IL1RAPL2: variants seen among roughly 807,000 people sequenced by gnomAD.
IL1RAPL2 encodes the protein X-linked interleukin-1 receptor accessory protein-like 2.
Under a neutral mutation model 44.1 loss-of-function variants are expected in IL1RAPL2, and 3 were observed. The observed-to-expected ratio is 0.07, with a 90% CI of 0.03 to 0.18. The LOEUF is 0.18. IL1RAPL2 is among the 10% of genes least tolerant of loss of function. The pLI is 1.00. For missense variants in IL1RAPL2, 391 were observed against 496.4 expected, an observed-to-expected ratio of 0.79 and a Z score of 2.02; for synonymous variants, 181 against 178.8, an observed-to-expected ratio of 1.01 and a Z score of -0.10.
intron 2 of IL1RAPL2, among the ~76,000 whole-genome samples, chrX:104,856,946 C>A (rs182263124): frequency 7.1e-5 from 8 of 112,333 alleles, no homozygotes; most frequent in African/African-American, 2.6e-4. Flanking sequence ...CTGGTTATTT[C>A]TAAACAATTC....
intron 6 of IL1RAPL2, among the ~76,000 whole-genome samples, chrX:105,574,830 G>T (rs1033921138): frequency 1.8e-5 from 2 of 111,116 alleles, no homozygotes; most frequent in African/African-American, 6.6e-5. Context: ...GTATGATTTT[G>T]TGAGATTGCA....
intron 6 of IL1RAPL2, among the ~76,000 whole-genome samples, chrX:105,532,909 C>G (rs893532639): frequency 1.8e-4 from 20 of 111,148 alleles, no homozygotes; most frequent in Middle Eastern, 4.6e-3. Context: ...TTTAAATTTG[C>G]TACCAGGTGC....
At chrX:104,597,672 A>G (rs1044073058) in intron 1 of IL1RAPL2, among the ~76,000 whole-genome samples, 5 of 111,147 alleles carry the variant, frequency 4.5e-5, no homozygotes, top group Non-Finnish European at 7.5e-5. Context: ...GAGGCACAGC[A>G]GGTTTTTGGG....
At chrX:104,918,424 CAAAA>C (rs1034180251) in intron 2 of IL1RAPL2, among the ~76,000 whole-genome samples, 18 of 111,096 alleles carry the variant, frequency 1.6e-4, no homozygotes, top group African/African-American at 5.9e-4. Context: ...GGAAAAAAAA[CAAAA>C]AAGTAGAGGA....
chrX:105,092,056 C>A lies in IL1RAPL2; in HGVS notation c.83-103419C>A, dbSNP rs1254200188. Among the ~76,000 whole-genome samples the A allele has an allele frequency of 9.9e-5, 11 of 111,553 alleles. No homozygotes were observed. The Admixed American group carries it at 1.0e-3, about 11-fold the overall frequency. On this transcript the variant is annotated intron_variant, in intron 2 of 10. Transcript: ENST00000372582. ...TAATATCTGTCTTTTATTGAGGAAC[C>A]TATTCAGTGGTAGGCCTTTTCAATG...
intron 6 of IL1RAPL2, among the ~76,000 whole-genome samples, chrX:105,664,400 C>T (rs1358194682): frequency 4.5e-5 from 5 of 111,650 alleles, no homozygotes; most frequent in South Asian, 7.4e-4. Context: ...GATAGGATTG[C>T]TCCTATTTAT....
intron 6 of IL1RAPL2, among the ~76,000 whole-genome samples, chrX:105,502,242 T>C (rs975143220): frequency 8.9e-6 from 1 of 112,077 alleles, no homozygotes; most frequent in Non-Finnish European, 1.9e-5. Flanking sequence ...TTTTCTTCCA[T>C]ATAGTCCTTC....
At chrX:105,246,399 T>G (rs954984662) in intron 4 of IL1RAPL2, among the ~76,000 whole-genome samples, 6 of 112,060 alleles carry the variant, frequency 5.4e-5, no homozygotes, top group Non-Finnish European at 1.1e-4. Flanking sequence ...ACAATGAGTA[T>G]TGCCAGGGAA....
chrX:105,451,789 C>T (rs1421821259), intron 5 of IL1RAPL2, among the ~76,000 whole-genome samples: 1 of 111,735 alleles, frequency 8.9e-6, no homozygotes, highest in Non-Finnish European at 1.9e-5. Flanking sequence ...TCATTAAGTA[C>T]TAATTAATGC....
intron 6 of IL1RAPL2, among the ~76,000 whole-genome samples, chrX:105,543,313 T>C (rs2036760828): frequency 8.9e-6 from 1 of 112,311 alleles, no homozygotes; most frequent in South Asian, 3.6e-4. Flanking sequence ...CATTTAAAAA[T>C]ATCTACAACT....
At chrX:105,367,430 C>G (rs1348067468) in intron 5 of IL1RAPL2, among the ~76,000 whole-genome samples, 2 of 111,139 alleles carry the variant, frequency 1.8e-5, no homozygotes, top group Non-Finnish European at 3.8e-5. Flanking sequence ...TTTTTTTCCT[C>G]TCTTGATATC....
chrX:105,218,779 C>T (rs1413576016), intron 3 of IL1RAPL2: 3 of 434,343 alleles, frequency 6.9e-6, no homozygotes, highest in East Asian at 3.7e-5. Context: ...CTTTCCTCCC[C>T]CTCCTCCAGT....
chrX:105,697,820 C>T (rs1257928371), intron 6 of IL1RAPL2, among the ~76,000 whole-genome samples: 2 of 111,734 alleles, frequency 1.8e-5, no homozygotes, highest in Non-Finnish European at 3.8e-5. Context: ...TATGTTAAAG[C>T]ATTAGTGAAT....
At chrX:105,036,270 C>T (rs192757854) in intron 2 of IL1RAPL2, among the ~76,000 whole-genome samples, 37 of 112,016 alleles carry the variant, frequency 3.3e-4, no homozygotes, top group Non-Finnish European at 6.4e-4. Flanking sequence ...CAGGCCATAT[C>T]CTGTCATTAA....
intron 2 of IL1RAPL2, among the ~76,000 whole-genome samples, chrX:104,696,744 C>T (rs1344338148): frequency 2.7e-5 from 3 of 111,714 alleles, no homozygotes; most frequent in Non-Finnish European, 5.6e-5. Context: ...GCAGTAACTT[C>T]ATCACATAAG....
chrX:105,152,049 T>A, intron 2 of IL1RAPL2, among the ~76,000 whole-genome samples: 1 of 110,388 alleles, frequency 9.1e-6, no homozygotes, highest in East Asian at 2.9e-4. Context: ...CAGTGGAGTG[T>A]ATACTGCCCT....
intron 2 of IL1RAPL2, among the ~76,000 whole-genome samples, chrX:104,808,041 A>C (rs1401545626): frequency 8.9e-6 from 1 of 112,120 alleles, no homozygotes; most frequent in Non-Finnish European, 1.9e-5. Flanking sequence ...CTAGTTTTCT[A>C]ATGTAAGCAG....
Position 105,458,285 on chromosome X carries a change from T to C in IL1RAPL2, c.698-26028T>C, listed in dbSNP as rs757703897. On this transcript the variant is annotated intron_variant, in intron 5 of 10. Transcript: ENST00000372582. The stretch of plus-strand genomic sequence containing the variant: ...TCTAATTGTCTTTTTGATTTCTTGA[T>C]AGTGTTTATTGATGCACGGAAGTTC... Among the ~76,000 whole-genome samples the C allele has an allele frequency of 1.5e-4, 17 of 111,698 alleles. No individual in the cohort carries two copies. The East Asian group carries it at 4.8e-3, about 31-fold the overall frequency.
rs1225391047 is a variant in IL1RAPL2 at position 105,383,496 on chromosome X, T to G, written c.698-100817T>G. 2.7e-5 allele frequency among the ~76,000 whole-genome samples: 3 copies of G among 112,473 alleles called. No homozygotes were observed. The Admixed American group carries it at 2.8e-4, about 11-fold the overall frequency. On this transcript the variant is annotated intron_variant, in intron 5 of 10. Coordinates refer to ENST00000372582, the MANE Select transcript of IL1RAPL2 (RefSeq NM_017416.2). ...ATATATACCACATTATCTACTCATC[T>G]TCTATTCATCTGTTGATAGACACTT... is the stretch of plus-strand genomic sequence containing the variant.
Sources: gnomAD v4.1 joint callset for allele counts (sites outside exome capture counted in the v4.1 genomes callset) on GRCh38, gnomAD v4.1.1 for gene constraint, MANE v1.5 for transcripts, NCBI Gene and HGNC (gene_info 2026-07-23, HGNC 2026-07-21) for gene names.